The following GABRG3 variants were observed in gnomAD, a reference collection of about 807,000 sequenced individuals.
GABRG3 encodes the protein gamma-aminobutyric acid receptor subunit gamma-3.
Under a neutral mutation model 48.8 loss-of-function variants are expected in GABRG3, and 25 were observed. The ratio of observed to expected loss-of-function variants is 0.51; its 90% CI spans 0.37 to 0.72. The LOEUF is 0.72. Among genes scored for constraint, GABRG3 ranks in the 30% least tolerant of loss-of-function variants. GABRG3 has a pLI of 0.00. For missense variants in GABRG3, 394 were observed against 577.9 expected, an observed-to-expected ratio of 0.68 and a Z score of 3.26; for synonymous variants, 227 against 217.6, an observed-to-expected ratio of 1.04 and a Z score of -0.38.
At chr15:27,332,774 A>G (rs558065697) in intron 5 of GABRG3, among the ~76,000 whole-genome samples, 2 of 152,194 alleles carry the variant, frequency 1.3e-5, no homozygotes, top group South Asian at 2.1e-4. Context: ...TTGAGTAACA[A>G]CTTTTAGGCT....
intron 5 of GABRG3, among the ~76,000 whole-genome samples, chr15:27,443,501 T>A (rs1888852245): frequency 6.6e-6 from 1 of 152,244 alleles, no homozygotes; most frequent in African/African-American, 2.4e-5. Flanking sequence ...TTGCTAATAT[T>A]CTGTTTACTG....
intron 5 of GABRG3, among the ~76,000 whole-genome samples, chr15:27,397,536 A>G (rs934076699): frequency 7.2e-5 from 11 of 152,058 alleles, no homozygotes; most frequent in South Asian, 2.1e-4. Flanking sequence ...TTCATGTACC[A>G]CACCATACTT....
At chr15:27,020,448 T>G (rs984486511) in intron 2 of GABRG3, among the ~76,000 whole-genome samples, 20 of 152,142 alleles carry the variant, frequency 1.3e-4, no homozygotes, top group South Asian at 6.2e-4. Flanking sequence ...GTCTCGCTCT[T>G]TCGCCCAGGC....
chr15:27,127,968 A>C (rs975420954), intron 3 of GABRG3, among the ~76,000 whole-genome samples: 2 of 152,190 alleles, frequency 1.3e-5, no homozygotes, highest in African/African-American at 4.8e-5. Flanking sequence ...TCAGTAGATA[A>C]GAGATTACAA....
chr15:27,220,150 A>G (rs971858926), intron 3 of GABRG3, among the ~76,000 whole-genome samples: 2 of 152,216 alleles, frequency 1.3e-5, no homozygotes, highest in Non-Finnish European at 2.9e-5. Flanking sequence ...GGCAGGGTAC[A>G]TTTCAGGAAA....
chr15:27,513,169 C>T (rs1196802100), intron 6 of GABRG3, among the ~76,000 whole-genome samples: 2 of 151,988 alleles, frequency 1.3e-5, no homozygotes, highest in Non-Finnish European at 2.9e-5. Flanking sequence ...AAGCCACGGA[C>T]AGGCGCAGTA....
intron 3 of GABRG3, among the ~76,000 whole-genome samples, chr15:27,252,498 A>ATGTC: frequency 6.6e-6 from 1 of 152,220 alleles, no homozygotes; most frequent in South Asian, 2.1e-4. Flanking sequence ...GTCGGTCAGA[A>ATGTC]CATGATGCAT....
intron 2 of GABRG3, among the ~76,000 whole-genome samples, chr15:26,991,595 T>G (rs1208365924): frequency 6.6e-6 from 1 of 152,212 alleles, no homozygotes; most frequent in African/African-American, 2.4e-5. Flanking sequence ...TCCTCTTCAA[T>G]TTTTTCATCA....
chr15:26,984,944 C>T (rs1895124543), intron 2 of GABRG3, among the ~76,000 whole-genome samples: 1 of 152,226 alleles, frequency 6.6e-6, no homozygotes, highest in East Asian at 1.9e-4. Flanking sequence ...CCAGGCAAAA[C>T]ATCTGAATCA....
At chr15:27,266,406 A>G (rs1231284323) in intron 3 of GABRG3, among the ~76,000 whole-genome samples, 27 of 152,166 alleles carry the variant, frequency 1.8e-4, no homozygotes, top group Admixed American at 1.1e-3. Context: ...CCATCGATCA[A>G]TCTGTTTGTC....
chr15:27,412,277 T>C (rs1595737460), intron 5 of GABRG3, among the ~76,000 whole-genome samples: 1 of 151,916 alleles, frequency 6.6e-6, no homozygotes, highest in East Asian at 1.9e-4. Context: ...ACTGATAGAG[T>C]CAAGACACAG....
At chr15:27,255,385 C>G (rs541524867) in intron 3 of GABRG3, among the ~76,000 whole-genome samples, 1 of 152,318 alleles carries the variant, frequency 6.6e-6, no homozygotes, top group South Asian at 2.1e-4. Context: ...ACCCTTGCCA[C>G]GTGCCAATTC....
chr15:27,526,553 A>G (rs1891281635), intron 7 of GABRG3, among the ~76,000 whole-genome samples: 1 of 152,076 alleles, frequency 6.6e-6, no homozygotes, highest in African/African-American at 2.4e-5. Context: ...AGCCTGTTTC[A>G]CATGATAATC....
intron 3 of GABRG3, among the ~76,000 whole-genome samples, chr15:27,197,533 G>A (rs1216048434): frequency 6.6e-6 from 1 of 151,770 alleles, no homozygotes; most frequent in Non-Finnish European, 1.5e-5. Context: ...AGCCCTGGAG[G>A]CAGCGGCCTT....
At chr15:27,310,846 A>G (rs1231726816) in intron 3 of GABRG3, among the ~76,000 whole-genome samples, 1 of 152,156 alleles carries the variant, frequency 6.6e-6, no homozygotes, top group Non-Finnish European at 1.5e-5. Context: ...GGTTGGTGAC[A>G]AGCATGGCAG....
Position 27,204,187 on chromosome 15 carries a change from C to T in GABRG3, c.271-122622C>T, listed in dbSNP as rs571602892. Among the ~76,000 whole-genome samples, 10 of 152,154 alleles carry T rather than the reference C, an allele frequency of 6.6e-5. No homozygotes were observed. In the South Asian group the frequency reaches 1.0e-3, roughly 16 times the overall value. On this transcript the variant is annotated intron_variant, in intron 3 of 9. Coordinates refer to ENST00000615808, the MANE Select transcript of GABRG3 (RefSeq NM_033223.5). ...AGAGTTTATGTAGTTTTGGGTTTTA[C>T]ATTTAAGTCTTTAATCCATCTTGAG... is the stretch of plus-strand genomic sequence containing the variant.
intron 3 of GABRG3, among the ~76,000 whole-genome samples, chr15:27,101,750 C>T (rs898357491): frequency 6.7e-6 from 1 of 150,032 alleles, no homozygotes; most frequent in Non-Finnish European, 1.5e-5. Flanking sequence ...CCAGGGGTGT[C>T]CAATCTCTCG....
intron 5 of GABRG3, among the ~76,000 whole-genome samples, chr15:27,421,388 A>G (rs1240212601): frequency 1.3e-5 from 2 of 152,278 alleles, no homozygotes; most frequent in African/African-American, 2.4e-5. Context: ...TCCCCAAAAG[A>G]AGCATCCATG....
intron 3 of GABRG3, among the ~76,000 whole-genome samples, chr15:27,185,422 T>G (rs531811057): frequency 2.0e-4 from 31 of 152,324 alleles, no homozygotes; most frequent in African/African-American, 7.5e-4. Flanking sequence ...TTTCAGTTAC[T>G]TTAAAATTCT....
Sources: allele counts gnomAD v4.1 joint callset (sites outside exome capture counted in the v4.1 genomes callset), GRCh38; gene constraint gnomAD v4.1.1; transcripts MANE v1.5; gene names NCBI Gene and HGNC (gene_info 2026-07-23, HGNC 2026-07-21).